The following SKIC3 variants were observed in gnomAD, a reference collection of about 807,000 sequenced individuals.
SKIC3 encodes the protein SKI3 subunit of superkiller complex.
At chr5:95,554,760 T>G in the SKIC3 span, 1 of 159,864 alleles carries the variant, frequency 6.3e-6, no homozygotes, top group Non-Finnish European at 1.4e-5. Flanking sequence ...CTATTCAACT[T>G]AAGTGACAGC....
the SKIC3 span, among the ~76,000 whole-genome samples, chr5:95,524,971 C>T: frequency 6.6e-6 from 1 of 152,010 alleles, no homozygotes; most frequent in Non-Finnish European, 1.5e-5. Flanking sequence ...GCAACCTCCA[C>T]CCCCCAGGTT....
the SKIC3 span, among the ~76,000 whole-genome samples, chr5:95,497,740 A>C: frequency 2.0e-5 from 3 of 152,246 alleles, no homozygotes; most frequent in Non-Finnish European, 2.9e-5. Context: ...AATTAAGAAA[A>C]GTTAAGGAAA....
At chr5:95,512,255 A>G in the SKIC3 span, among the ~76,000 whole-genome samples, 1 of 152,172 alleles carries the variant, frequency 6.6e-6, no homozygotes, top group Non-Finnish European at 1.5e-5. Context: ...TATAACAAGG[A>G]AATTACTTTT....
chr5:95,479,704 T>C, the SKIC3 span, among the ~76,000 whole-genome samples: 574 of 151,908 alleles, frequency 3.8e-3, 4 homozygotes, highest in South Asian at 7.3e-3. Flanking sequence ...TGTGTGTGTG[T>C]GTGTGTGTGT....
At chr5:95,520,883 A>T in the SKIC3 span, 3 of 1,183,752 alleles carry the variant, frequency 2.5e-6, no homozygotes, top group Non-Finnish European at 3.8e-6. Flanking sequence ...AATGAACTTC[A>T]AATAAAGTTA....
the SKIC3 span, among the ~76,000 whole-genome samples, chr5:95,491,565 ATTCAT>A: frequency 2.0e-5 from 3 of 152,184 alleles, no homozygotes; most frequent in Non-Finnish European, 2.9e-5. Flanking sequence ...TCTATCCCTC[ATTCAT>A]TTGATCTTTT....
chr5:95,533,956 G>A, the SKIC3 span, among the ~76,000 whole-genome samples: 1 of 152,172 alleles, frequency 6.6e-6, no homozygotes, highest in South Asian at 2.1e-4. Context: ...AGTATTCACT[G>A]TGTCATTTGG....
At chr5:95,542,911 T>A in the SKIC3 span, among the ~76,000 whole-genome samples, 3 of 152,198 alleles carry the variant, frequency 2.0e-5, no homozygotes, top group Non-Finnish European at 2.9e-5. Flanking sequence ...AGAAGTCTTT[T>A]ATATGCACAT....
chr5:95,503,561 C>G, the SKIC3 span, among the ~76,000 whole-genome samples: 5 of 152,292 alleles, frequency 3.3e-5, no homozygotes, highest in South Asian at 1.0e-3. Flanking sequence ...CATAAGTGAT[C>G]TTGGGCCCCA....
chr5:95,501,878 T>C, the SKIC3 span, among the ~76,000 whole-genome samples: 1 of 152,120 alleles, frequency 6.6e-6, no homozygotes, highest in African/African-American at 2.4e-5. Context: ...ACATGTTATA[T>C]ATAACGATAG....
At chr5:95,536,306 G>T in the SKIC3 span, among the ~76,000 whole-genome samples, 1 of 152,134 alleles carries the variant, frequency 6.6e-6, no homozygotes, top group Admixed American at 6.5e-5. Flanking sequence ...GTGTTCTTAT[G>T]ACACTGTGAC....
At chr5:95,489,931 C>T in the SKIC3 span, among the ~76,000 whole-genome samples, 5 of 152,024 alleles carry the variant, frequency 3.3e-5, no homozygotes, top group Admixed American at 3.3e-4. Flanking sequence ...TAAACAAAAG[C>T]CTACTTTTCT....
At chr5:95,487,654 C>T in the SKIC3 span, among the ~76,000 whole-genome samples, 8 of 152,170 alleles carry the variant, frequency 5.3e-5, no homozygotes, top group Non-Finnish European at 1.2e-4. Flanking sequence ...GTGACCTACC[C>T]AAACAACACC....
chr5:95,479,137 G>A, the SKIC3 span, among the ~76,000 whole-genome samples: 1 of 152,124 alleles, frequency 6.6e-6, no homozygotes, highest in Non-Finnish European at 1.5e-5. Flanking sequence ...ATTTAGCAAG[G>A]TGCTGGAAAG....
the SKIC3 span, among the ~76,000 whole-genome samples, chr5:95,535,835 A>G: frequency 5.3e-5 from 8 of 152,318 alleles, no homozygotes; most frequent in East Asian, 1.5e-3. Context: ...CTCATTTAGC[A>G]ACAAAGTGAA....
the SKIC3 span, among the ~76,000 whole-genome samples, chr5:95,477,086 G>A: frequency 6.6e-6 from 1 of 152,156 alleles, no homozygotes; most frequent in African/African-American, 2.4e-5. Context: ...TGAAGGGCAT[G>A]TTATAGGTAC....
At chr5:95,541,385 G>GAAAAA in the SKIC3 span, 1 of 1,612,930 alleles carries the variant, frequency 6.2e-7, no homozygotes, top group Non-Finnish European at 8.5e-7. Context: ...TCAACACTTA[G>GAAAAA]AACAAAACAA....
chr5:95,509,725 A>C, the SKIC3 span: 1 of 1,322,352 alleles, frequency 7.6e-7, no homozygotes, highest in African/African-American at 1.4e-5. Flanking sequence ...AAATATGCCT[A>C]CTGATGGTAT....
chr5:95,514,795 C>A, the SKIC3 span: 2 of 1,535,302 alleles, frequency 1.3e-6, no homozygotes, highest in South Asian at 1.1e-5. Flanking sequence ...CACTGTTATG[C>A]ATATTAGTCA....
Sources: allele counts gnomAD v4.1 joint callset (sites outside exome capture counted in the v4.1 genomes callset), GRCh38; gene constraint gnomAD v4.1.1; transcripts MANE v1.5; gene names NCBI Gene and HGNC (gene_info 2026-07-23, HGNC 2026-07-21).